Variants in UGT1A8 observed in about 807,000 individuals in gnomAD.
The protein encoded by UGT1A8 is UDP-glucuronosyltransferase 1A8.
In UGT1A8, 39 loss-of-function variants were observed where a neutral mutation model predicts 45.3. The observed-to-expected ratio is 0.86, with a 90% CI of 0.67 to 1.12. The LOEUF (loss-of-function observed/expected upper bound fraction) is 1.12. Among genes scored for constraint, UGT1A8 ranks in the 50% most tolerant of loss-of-function variants. The pLI is 0.00. For missense variants in UGT1A8, 719 were observed against 664.9 expected (o/e 1.08, Z -0.90); for synonymous variants, 275 against 249.2 (o/e 1.10, Z -0.97).
intron 1 of UGT1A8, among the ~76,000 whole-genome samples, chr2:233,685,279 C>T (rs532732563): frequency 7.9e-5 from 12 of 152,180 alleles, no homozygotes; most frequent in Non-Finnish European, 1.3e-4. Flanking sequence ...GTGATCCGCC[C>T]GCCTCCGCCT....
chr2:233,655,769 A>G (rs1320464487), intron 1 of UGT1A8, among the ~76,000 whole-genome samples: 3 of 152,202 alleles, frequency 2.0e-5, no homozygotes, highest in Non-Finnish European at 4.4e-5. Flanking sequence ...CCATCCCTGC[A>G]AGAGCAATGC....
chr2:233,691,273 T>C (rs921179484), intron 1 of UGT1A8: 1 of 985,424 alleles, frequency 1.0e-6, no homozygotes, highest in Non-Finnish European at 1.2e-6. Flanking sequence ...GCCGCCCCCA[T>C]GACTTTGATC....
intron 4 of UGT1A8, among the ~76,000 whole-genome samples, chr2:233,771,908 A>G (rs1288111972): frequency 2.6e-5 from 4 of 151,904 alleles, no homozygotes; most frequent in African/African-American, 9.7e-5. Context: ...TTCAGGTGAT[A>G]ATAGTAACAC....
chr2:233,637,307 C>A (rs144421115), intron 1 of UGT1A8: 11 of 1,613,786 alleles, frequency 6.8e-6, no homozygotes, highest in Non-Finnish European at 9.3e-6. Context: ...TTGGACTATC[C>A]CAAACCCGTG....
Position 233,666,188 on chromosome 2 carries a change from A to C in UGT1A8, c.855+47626A>C, listed in dbSNP as rs2074072370. On this transcript the variant is annotated intron_variant, in intron 1 of 4. Transcript: ENST00000373450. ...GCAGGTGCCAGGCTTTTTTTTAATA[A>C]TCAGTTCTTGCTGAAACTAATAGAT... Among the ~76,000 whole-genome samples, 4 of 152,150 alleles carry C rather than the reference A, an allele frequency of 2.6e-5. No individual in the cohort carries two copies. In the South Asian group the frequency reaches 8.3e-4, roughly 32 times the overall value.
At position 233,654,635 on chromosome 2, in the gene UGT1A8, A is replaced by G. The variant is rs185937214; in HGVS notation, c.855+36073A>G. Among the ~76,000 whole-genome samples the G allele has an allele frequency of 1.4e-3, 214 of 152,374 alleles. 1 individual carries two copies. The highest frequency in any genetic ancestry group is 4.7e-3 in the African/African-American group (195 of 41,588). On this transcript the variant is annotated intron_variant, in intron 1 of 4. Transcript: ENST00000373450. ...CCTATAAAATGCAAAACTACTGATG[A>G]TTGCTTGGCGACATAGCAACACCAA...
At chr2:233,628,566 T>C (rs1415637010) in intron 1 of UGT1A8, among the ~76,000 whole-genome samples, 1 of 152,084 alleles carries the variant, frequency 6.6e-6, no homozygotes, top group Non-Finnish European at 1.5e-5. Flanking sequence ...AATGAGACCT[T>C]TTTTATTTTT....
chr2:233,743,224 A>G (rs397839834), intron 1 of UGT1A8: 25 of 414,132 alleles, frequency 6.0e-5, no homozygotes, highest in Middle Eastern at 7.1e-4. Context: ...GCTCTTTGCT[A>G]TTTATTATGA....
At chr2:233,763,732 A>T (rs1272484781) in intron 1 of UGT1A8, among the ~76,000 whole-genome samples, 1 of 152,234 alleles carries the variant, frequency 6.6e-6, no homozygotes, top group East Asian at 1.9e-4. Context: ...ACAACCTGGC[A>T]TTGGCGTGTC....
chr2:233,764,221 A>G (rs1437910759), intron 1 of UGT1A8, among the ~76,000 whole-genome samples: 2 of 152,128 alleles, frequency 1.3e-5, no homozygotes, highest in African/African-American at 2.4e-5. Context: ...AAGGGAATCA[A>G]TGGTGGGGGA....
chr2:233,692,100 T>G (rs2075078223), intron 1 of UGT1A8: 1 of 152,182 alleles, frequency 6.6e-6, no homozygotes, highest in African/African-American at 2.4e-5. Flanking sequence ...TGATCACCGA[T>G]GGGCAACAAT....
At chr2:233,669,830 T>A (rs558978971) in intron 1 of UGT1A8, among the ~76,000 whole-genome samples, 36 of 152,190 alleles carry the variant, frequency 2.4e-4, no homozygotes, top group African/African-American at 8.7e-4. Context: ...ATTACAGGCA[T>A]GCACCACCAC....
chr2:233,746,374 T>C (rs1378448222), intron 1 of UGT1A8, among the ~76,000 whole-genome samples: 2 of 151,774 alleles, frequency 1.3e-5, no homozygotes, highest in African/African-American at 4.9e-5. Flanking sequence ...AGTCCCTTCA[T>C]TCTGATTTGA....
Position 233,769,714 on chromosome 2 carries a change from G to C in UGT1A8, c.1295+1275G>C. On this transcript the variant is annotated intron_variant, in intron 4 of 4. Coordinates refer to ENST00000373450, the MANE Select transcript of UGT1A8 (RefSeq NM_019076.5). This position sits in a 1 kb window ranked among gnomAD's most constrained non-coding sequence, Gnocchi z 4.4. ...TGGATAAAAGATCAATGTTGGCTAG[G>C]CACCATGGCACACGCCTGTAGTCCC... 6.7e-7 allele frequency: 1 copy of C among 1,497,244 alleles called. No homozygotes were observed. Among genetic ancestry groups the C allele is most frequent in the Non-Finnish European group, 8.9e-7 (1 of 1,121,796 alleles). The allele number at this position is 1,497,244 out of a possible 1,614,324, so 92.7% of individuals were successfully genotyped here. A position where few individuals can be genotyped will look rare whatever the true frequency, so the allele number is the denominator to read the frequency against.
intron 1 of UGT1A8, among the ~76,000 whole-genome samples, chr2:233,622,493 A>C (rs1207415731): frequency 6.6e-6 from 1 of 152,038 alleles, no homozygotes; most frequent in African/African-American, 2.4e-5. Flanking sequence ...GATGATGAGC[A>C]TTTTTTCATA....
intron 1 of UGT1A8, among the ~76,000 whole-genome samples, chr2:233,658,515 A>G (rs2073902252): frequency 6.6e-6 from 1 of 152,140 alleles, no homozygotes; most frequent in African/African-American, 2.4e-5. Flanking sequence ...CATCTCCTGT[A>G]CCGTGTGACA....
intron 1 of UGT1A8, among the ~76,000 whole-genome samples, chr2:233,647,359 A>T (rs1434942945): frequency 1.3e-5 from 2 of 152,168 alleles, no homozygotes. Context: ...ATCTTGTCAC[A>T]TCTTTATCTG....
chr2:233,703,165 C>T (rs1009134822), intron 1 of UGT1A8, among the ~76,000 whole-genome samples: 1 of 152,064 alleles, frequency 6.6e-6, no homozygotes, highest in Non-Finnish European at 1.5e-5. Context: ...CTTCTTGATT[C>T]AATTTCAGTA....
intron 1 of UGT1A8, among the ~76,000 whole-genome samples, chr2:233,686,986 A>G (rs2074815815): frequency 6.6e-6 from 1 of 152,154 alleles, no homozygotes. Flanking sequence ...TTGTACCCCA[A>G]GTCTTGGTTT....
Sources: gnomAD v4.1 joint callset for allele counts (sites outside exome capture counted in the v4.1 genomes callset) on GRCh38, gnomAD v4.1.1 for gene constraint, Gnocchi (gnomAD v3.1) non-coding constraint, MANE v1.5 for transcripts, NCBI Gene and HGNC (gene_info 2026-07-23, HGNC 2026-07-21) for gene names.